Variants in TENM2 observed in about 807,000 individuals in gnomAD.
TENM2 encodes teneurin-2.
Under a neutral mutation model 245.2 loss-of-function variants are expected in TENM2, and 52 were observed. The ratio of observed to expected loss-of-function variants is 0.21; its 90% CI spans 0.17 to 0.27. The LOEUF (loss-of-function observed/expected upper bound fraction) is 0.27. TENM2 is among the 10% of genes least tolerant of loss of function. The pLI, the probability that TENM2 is intolerant of heterozygous loss-of-function variation, is 1.00. For missense variants in TENM2, 3,046 were observed against 3,666.8 expected, an observed-to-expected ratio of 0.83 and a Z score of 4.37; for synonymous variants, 1,363 against 1,438.9, an observed-to-expected ratio of 0.95 and a Z score of 1.19.
intron 2 of TENM2, among the ~76,000 whole-genome samples, chr5:167,711,393 A>C (rs1041196847): frequency 2.6e-4 from 40 of 152,214 alleles, no homozygotes; most frequent in African/African-American, 9.4e-4. Flanking sequence ...TCACTGCACC[A>C]CCAGGAAAGT....
At chr5:167,121,307 A>G in the TENM2 span, among the ~76,000 whole-genome samples, 2 of 152,186 alleles carry the variant, frequency 1.3e-5, no homozygotes, top group Non-Finnish European at 2.9e-5. Flanking sequence ...ATGGGAAACA[A>G]ATAAAACCTG....
chr5:168,220,557 C>T (rs917095402), intron 23 of TENM2, among the ~76,000 whole-genome samples: 2 of 151,998 alleles, frequency 1.3e-5, no homozygotes, highest in Non-Finnish European at 2.9e-5. Flanking sequence ...TAGATAAATC[C>T]AGTGATCACA....
At chr5:168,128,663 G>C (rs1379459758) in intron 12 of TENM2, among the ~76,000 whole-genome samples, 1 of 152,238 alleles carries the variant, frequency 6.6e-6, no homozygotes, top group African/African-American at 2.4e-5. Flanking sequence ...AGATGGATTC[G>C]AGCAGGAGTC....
chr5:168,196,276 C>T (rs1017800282), intron 15 of TENM2, among the ~76,000 whole-genome samples: 6 of 152,122 alleles, frequency 3.9e-5, no homozygotes, highest in African/African-American at 1.4e-4. Context: ...ACTCTCCCAC[C>T]TCTGAAACCC....
intron 13 of TENM2, chr5:168,186,172 A>G (rs1393607892): frequency 6.6e-6 from 1 of 152,004 alleles, no homozygotes. Flanking sequence ...AATCCATCTG[A>G]TTCCAGAGGC....
intron 1 of TENM2, 97 bp from the exon 4 acceptor site, chr5:167,375,101 C>A (rs1047758737): frequency 7.9e-7 from 1 of 1,264,550 alleles, no homozygotes; most frequent in African/African-American, 1.5e-5. Context: ...ATGTATCTGT[C>A]AGATGGGAAA....
At chr5:168,246,868 C>T (rs970121975) in exon 27 of TENM2, 1 of 1,614,034 alleles carries the variant, frequency 6.2e-7, no homozygotes, top group Middle Eastern at 1.7e-4. Flanking sequence ...CATGTCCACA[C>T]ACACCTCCAT....
the TENM2 span, among the ~76,000 whole-genome samples, chr5:167,013,544 A>G: frequency 6.6e-6 from 1 of 151,970 alleles, no homozygotes; most frequent in Non-Finnish European, 1.5e-5. Flanking sequence ...TGTCTCCCCT[A>G]AAAAATACAA....
chr5:167,375,071 T>C, intron 1 of TENM2, 127 bp from the exon 4 acceptor site: 1 of 925,278 alleles, frequency 1.1e-6, no homozygotes, highest in South Asian at 1.5e-5. Flanking sequence ...GATCTGTTTC[T>C]GTACACCATG....
intron 2 of TENM2, among the ~76,000 whole-genome samples, chr5:167,549,770 T>C (rs1398592274): frequency 1.3e-5 from 2 of 152,126 alleles, no homozygotes; most frequent in African/African-American, 4.8e-5. Flanking sequence ...TTTTTTATAG[T>C]GTGAATACAT....
At position 168,125,750 on chromosome 5, in the gene TENM2, GA is replaced by G. The variant is rs113081119; in HGVS notation, c.2209+711del. Among the ~76,000 whole-genome samples the G allele has an allele frequency of 4.7e-4, 66 of 141,148 alleles. 1 individual carries two copies. Among genetic ancestry groups the G allele is most frequent in the Non-Finnish European group, 6.9e-4 (44 of 64,078 alleles). 92.6% of individuals were successfully genotyped at this position (141,148 alleles called of 152,430 possible). On this transcript the variant is annotated intron_variant, in intron 11 of 28. Transcript: ENST00000518659. ...AGAAATGAATATTTCATTCCAAAAA[GA>G]AAAAAAAAAAGAAGAGTCAGTTAAA...
chr5:167,343,679 G>A lies in TENM2; in HGVS notation c.227-31519G>A, dbSNP rs559057157. Among the ~76,000 whole-genome samples the A allele has an allele frequency of 5.9e-4, 90 of 152,140 alleles. 1 individual carries two copies. In the South Asian group the frequency reaches 0.018, roughly 30 times the overall value. Reference sequence around the variant, plus strand: ...AACTGTAATTGATAACTAAATACTTGTACTGCATTTTTTAAAAAAATGAAT... The same window carrying A: ...AACTGTAATTGATAACTAAATACTTATACTGCATTTTTTAAAAAAATGAAT... On this transcript the variant is annotated intron_variant, in intron 1 of 28. Transcript: ENST00000518659.
chr5:167,880,279 C>T (rs1047412750), intron 3 of TENM2, among the ~76,000 whole-genome samples: 2 of 151,964 alleles, frequency 1.3e-5, no homozygotes, highest in Non-Finnish European at 2.9e-5. Flanking sequence ...ATGACCCACC[C>T]GCCTCAGCCT....
the TENM2 span, among the ~76,000 whole-genome samples, chr5:167,089,814 C>T: frequency 6.6e-6 from 1 of 152,084 alleles, no homozygotes; most frequent in Non-Finnish European, 1.5e-5. Context: ...TTGGCCTGGA[C>T]CACTTTACTT....
chr5:167,695,884 A>C (rs1051650393), intron 2 of TENM2, among the ~76,000 whole-genome samples: 9 of 152,022 alleles, frequency 5.9e-5, no homozygotes, highest in African/African-American at 2.2e-4. Flanking sequence ...AATACAAAAA[A>C]TTAGCCAGGT....
chr5:167,093,507 A>T, the TENM2 span, among the ~76,000 whole-genome samples: 1 of 152,216 alleles, frequency 6.6e-6, no homozygotes. Context: ...ATTTGGCAAC[A>T]AAAGTCATAG....
At chr5:167,362,889 GAAT>G (rs1388660064) in intron 1 of TENM2, among the ~76,000 whole-genome samples, 11 of 152,062 alleles carry the variant, frequency 7.2e-5, no homozygotes, top group Non-Finnish European at 1.5e-4. Context: ...ATAGTAACAT[GAAT>G]AATAATAGCT....
At chr5:167,342,017 A>T (rs1758129463) in intron 1 of TENM2, among the ~76,000 whole-genome samples, 1 of 152,206 alleles carries the variant, frequency 6.6e-6, no homozygotes, top group African/African-American at 2.4e-5. Flanking sequence ...TTGCAGAGAG[A>T]GTACAGAGAG....
intron 12 of TENM2, among the ~76,000 whole-genome samples, chr5:168,162,351 GCATTGAAC>G (rs1349529063): frequency 2.0e-5 from 3 of 152,244 alleles, no homozygotes; most frequent in African/African-American, 7.2e-5. Flanking sequence ...TCTGGGATGT[GCATTGAAC>G]TCCCCGCTTT....
Sources: allele counts gnomAD v4.1 joint callset (sites outside exome capture counted in the v4.1 genomes callset), GRCh38; gene constraint gnomAD v4.1.1; transcripts MANE v1.5; gene names NCBI Gene and HGNC (gene_info 2026-07-23, HGNC 2026-07-21).